Variants in ABCA13 observed in about 807,000 individuals in gnomAD.
ABCA13 encodes ATP binding cassette subfamily A member 13.
ABCA13 carries 476 observed loss-of-function variants against 478.7 expected under a neutral mutation model. The observed-to-expected ratio is 0.99, with a 90% CI of 0.92 to 1.07. The LOEUF (loss-of-function observed/expected upper bound fraction) is 1.07. ABCA13 is among the 50% of genes least tolerant of loss of function. ABCA13 has a pLI of 0.00. For synonymous variants in ABCA13, 2,252 were observed against 2,158.9 expected, an observed-to-expected ratio of 1.04 and a Z score of -1.20; for missense variants, 6,060 against 5,910.6, an observed-to-expected ratio of 1.03 and a Z score of -0.83.
chr7:48,265,572 A>G (rs1194464015), intron 15 of ABCA13, among the ~76,000 whole-genome samples: 3 of 151,552 alleles, frequency 2.0e-5, no homozygotes, highest in Admixed American at 1.3e-4. Flanking sequence ...TTGATCTTCA[A>G]TAATTTGTTG....
rs779362400 is a variant in ABCA13 at position 48,239,356 on chromosome 7, C to T, written c.1013C>T (p.Ala338Val). The T allele has an allele frequency of 1.2e-6, 2 of 1,613,724 alleles. No individual in the cohort carries two copies. Among genetic ancestry groups the T allele is most frequent in the South Asian group, 1.1e-5 (1 of 91,022 alleles). ...GGCTGCCACCCTAAGTGGTCAGAAG[C>T]CAAAAACTATCTTGTCCATGCAGTC... ...VGGCHPKWSE[A>V]KNYLVHAVSW... The change falls in exon 9 of 62, where the codon GCC becomes GTC. Residue 338 changes from alanine (A) to valine (V), a missense_variant. Ala to Val is a moderately conservative substitution (Grantham distance 64). This residue lies in a region of ABCA13 where 4,423 missense variants were observed against 4,309.1 expected (regional missense o/e 1.03). Coordinates refer to ENST00000435803, the MANE Select transcript of ABCA13 (RefSeq NM_152701.5).
intron 1 of ABCA13, among the ~76,000 whole-genome samples, chr7:48,191,743 A>G (rs1330176325): frequency 2.0e-5 from 3 of 152,120 alleles, no homozygotes; most frequent in Non-Finnish European, 2.9e-5. Flanking sequence ...TAATTATACC[A>G]GGGATGGAAA....
At chr7:48,458,742 AC>A (rs1825939693) in intron 43 of ABCA13, among the ~76,000 whole-genome samples, 1 of 152,042 alleles carries the variant, frequency 6.6e-6, no homozygotes, top group African/African-American at 2.4e-5. Context: ...AACAGATGAC[AC>A]CCCCACAGCT....
chr7:48,278,468 G>T lies in ABCA13; in HGVS notation c.7274G>T (p.Arg2425Ile). 6.2e-7 allele frequency: 1 copy of T among 1,613,980 alleles called. No homozygotes were observed. Among genetic ancestry groups the T allele is most frequent in the South Asian group, 1.1e-5 (1 of 91,082 alleles). Reference sequence around the variant, plus strand: ...AGAGAATGTTCAACAGAGATGGCAAGACTTCTGGATACAATTTTACACTCT... The same window carrying T: ...AGAGAATGTTCAACAGAGATGGCAATACTTCTGGATACAATTTTACACTCT... ...LVRECSTEMARLLDTILHSPN... is the reference protein window; with the variant it reads ...LVRECSTEMAILLDTILHSPN... The change falls in exon 18 of 62, where the codon AGA becomes ATA. Residue 2425 changes from arginine to isoleucine, a missense_variant. By Grantham distance (97) the Arg-to-Ile change is moderately conservative. Around this residue, in one of 3 missense-constraint regions of ABCA13, gnomAD observed 4,423 missense variants for 4,309.1 expected, o/e 1.03. Coordinates refer to ENST00000435803, the MANE Select transcript of ABCA13 (RefSeq NM_152701.5).
chr7:48,551,636 A>G (rs1785334377), intron 55 of ABCA13, among the ~76,000 whole-genome samples: 1 of 146,806 alleles, frequency 6.8e-6, no homozygotes, highest in Non-Finnish European at 1.5e-5. Flanking sequence ...TTTTTAAGAT[A>G]TATGTCTGTT....
intron 56 of ABCA13, among the ~76,000 whole-genome samples, chr7:48,581,253 G>A (rs1038362295): frequency 3.3e-5 from 5 of 152,094 alleles, no homozygotes; most frequent in Non-Finnish European, 7.4e-5. Context: ...AATAGCCTTC[G>A]CCTTCACTGG....
chr7:48,641,193 A>T (rs979688416), intron 59 of ABCA13, among the ~76,000 whole-genome samples: 5 of 152,194 alleles, frequency 3.3e-5, no homozygotes, highest in Admixed American at 3.3e-4. Flanking sequence ...GTTTCTACTA[A>T]TGGTAAAAAT....
At chr7:48,359,615 G>A (rs767804573) in intron 31 of ABCA13, among the ~76,000 whole-genome samples, 2 of 151,986 alleles carry the variant, frequency 1.3e-5, no homozygotes, top group Non-Finnish European at 2.9e-5. Flanking sequence ...CAGTAGTGGT[G>A]ATGGAGGCCG....
At chr7:48,278,019 A>G (rs1796521953) in intron 17 of ABCA13, 75 bp from the exon 18 acceptor site, 1 of 473,280 alleles carries the variant, frequency 2.1e-6, no homozygotes, top group Non-Finnish European at 3.2e-6. Context: ...AATATAAATC[A>G]CTATGTATCT....
intron 38 of ABCA13, 104 bp from the exon 39 acceptor site, chr7:48,403,579 T>C (rs10240195): frequency 0.14 from 157,832 of 1,164,462 alleles, 11,466 homozygotes; most frequent in Admixed American, 0.2. Context: ...ATATTTGTGG[T>C]TTATAACGAT....
At chr7:48,560,214 C>T (rs60918397) in intron 55 of ABCA13, among the ~76,000 whole-genome samples, 21,058 of 152,100 alleles carry the variant, frequency 0.14, 1,818 homozygotes, top group African/African-American at 0.23. Flanking sequence ...GGATGACTCC[C>T]CTCCAGCTAG....
intron 27 of ABCA13, among the ~76,000 whole-genome samples, chr7:48,320,513 C>A (rs533026505): frequency 8.5e-5 from 13 of 152,258 alleles, no homozygotes; most frequent in Middle Eastern, 6.8e-3. Context: ...ATTTCCATGT[C>A]ATTAGTCAAG....
chr7:48,327,356 G>A (rs1442489035), intron 27 of ABCA13, among the ~76,000 whole-genome samples: 4 of 152,150 alleles, frequency 2.6e-5, no homozygotes, highest in Non-Finnish European at 4.4e-5. Context: ...AACTGCCCCC[G>A]TTATTTAATT....
At chr7:48,483,641 C>G (rs1488461963) in intron 47 of ABCA13, among the ~76,000 whole-genome samples, 3 of 152,132 alleles carry the variant, frequency 2.0e-5, no homozygotes, top group Non-Finnish European at 4.4e-5. Context: ...TAGGAATGGT[C>G]CCCTTAGAAT....
At chr7:48,325,713 A>G (rs1319620338) in intron 27 of ABCA13, among the ~76,000 whole-genome samples, 2 of 152,174 alleles carry the variant, frequency 1.3e-5, no homozygotes, top group Non-Finnish European at 1.5e-5. Flanking sequence ...GTAATGGTGG[A>G]TTGGTTATCA....
chr7:48,481,133 T>C lies in ABCA13; in HGVS notation c.13073T>C (p.Leu4358Pro), dbSNP rs1488883941. The C allele has an allele frequency of 1.3e-6, 2 of 1,588,084 alleles. No individual in the cohort carries two copies. The highest frequency in any genetic ancestry group is 1.3e-5 in the African/African-American group (1 of 74,564). The change falls in exon 46 of 62, where the codon CTG (leucine) becomes CCG (proline). Residue 4358 changes from leucine to proline, a missense_variant. Leu to Pro is a moderately conservative substitution (Grantham distance 98). This residue lies in a region of ABCA13 where 1,627 missense variants were observed against 1,571.0 expected (regional missense o/e 1.04). Transcript: ENST00000435803. ...GGCTTCAATATGGAGGAGTACTTGC[T>C]GGCACCATCTGAAAAACCAAGGTGT... ...LSGFNMEEYLLAPSEKPRLGG... is the reference protein window; with the variant it reads ...LSGFNMEEYLPAPSEKPRLGG...
At chr7:48,546,151 CAAT>C (rs1784791398) in intron 55 of ABCA13, among the ~76,000 whole-genome samples, 1 of 151,728 alleles carries the variant, frequency 6.6e-6, no homozygotes, top group South Asian at 2.1e-4. Flanking sequence ...CATCTGTTCA[CAAT>C]AATAGCCACT....
At chr7:48,450,626 G>A (rs1824876471) in intron 42 of ABCA13, among the ~76,000 whole-genome samples, 1 of 151,898 alleles carries the variant, frequency 6.6e-6, no homozygotes, top group Admixed American at 6.6e-5. Flanking sequence ...GTATTACTTT[G>A]CAACATTTTT....
At chr7:48,596,812 C>T (rs1264928840) in intron 58 of ABCA13, among the ~76,000 whole-genome samples, 2 of 151,680 alleles carry the variant, frequency 1.3e-5, no homozygotes, top group African/African-American at 4.8e-5. Context: ...ACAACAACCA[C>T]AACAAAAAAA....
Sources: gnomAD v4.1 joint callset for allele counts (sites outside exome capture counted in the v4.1 genomes callset) on GRCh38, gnomAD v4.1.1 for gene constraint, gnomAD v4.1.1 regional missense constraint, MANE v1.5 for transcripts, NCBI Gene and HGNC (gene_info 2026-07-23, HGNC 2026-07-21) for gene names.